The following MAGI2 variants were observed in gnomAD, a reference collection of about 807,000 sequenced individuals.
MAGI2 encodes membrane associated guanylate kinase, WW and PDZ domain containing 2.
MAGI2 carries 35 observed loss-of-function variants against 133.3 expected under a neutral mutation model. The observed-to-expected ratio is 0.26, with a 90% confidence interval of 0.20 to 0.35. MAGI2 has a LOEUF of 0.35. Among genes scored for constraint, MAGI2 ranks in the 10% least tolerant of loss-of-function variants. The pLI is 1.00. For synonymous variants in MAGI2, 729 were observed against 710.6 expected (o/e 1.03, Z -0.41); for missense variants, 1,636 against 1,863.4 (o/e 0.88, Z 2.25).
At chr7:79,005,699 C>T (rs1204083345) in intron 2 of MAGI2, among the ~76,000 whole-genome samples, 1 of 152,158 alleles carries the variant, frequency 6.6e-6, no homozygotes. Context: ...AAGATAAATT[C>T]ACATTGCTGC....
intron 3 of MAGI2, among the ~76,000 whole-genome samples, chr7:78,565,379 C>G (rs1030337183): frequency 6.6e-6 from 1 of 151,230 alleles, no homozygotes; most frequent in Non-Finnish European, 1.5e-5. Flanking sequence ...GTAGGAGGAT[C>G]GTTTGAGCCC....
intron 2 of MAGI2, among the ~76,000 whole-genome samples, chr7:78,871,934 T>G (rs1461012804): frequency 6.6e-6 from 1 of 152,028 alleles, no homozygotes; most frequent in Non-Finnish European, 1.5e-5. Context: ...TTATAAAATA[T>G]AATATACATA....
intron 21 of MAGI2, among the ~76,000 whole-genome samples, chr7:78,057,511 G>A (rs1397235920): frequency 2.6e-5 from 4 of 152,118 alleles, no homozygotes; most frequent in East Asian, 1.9e-4. Flanking sequence ...GATTACAGGC[G>A]TGTGTGTTTG....
chr7:78,433,371 T>C (rs1007452775), intron 6 of MAGI2, among the ~76,000 whole-genome samples: 1 of 152,114 alleles, frequency 6.6e-6, no homozygotes, highest in African/African-American at 2.4e-5. Flanking sequence ...AATTGTTGTA[T>C]TGCAGGATTT....
At chr7:78,658,469 A>C (rs1812548941) in intron 2 of MAGI2, among the ~76,000 whole-genome samples, 1 of 152,176 alleles carries the variant, frequency 6.6e-6, no homozygotes, top group African/African-American at 2.4e-5. Flanking sequence ...AAAATTGATA[A>C]ACTGGGCTTC....
rs1259793466 is a variant in MAGI2, at chr7:78,666,016, A to C, written c.419-38777T>G. On this transcript the variant is annotated intron_variant, in intron 2 of 21. Transcript: ENST00000354212. ...CAACCCTGTTCGGGCAGTTAGAGAA[A>C]GTATGAGGCCAGTTTCCAACTGAAA... 2.0e-5 allele frequency among the ~76,000 whole-genome samples: 3 copies of C among 152,168 alleles called. No individual in the cohort carries two copies. The East Asian group carries it at 5.8e-4, about 29-fold the overall frequency.
At chr7:78,384,172 G>T (rs1196641698) in intron 6 of MAGI2, among the ~76,000 whole-genome samples, 3 of 152,016 alleles carry the variant, frequency 2.0e-5, no homozygotes, top group East Asian at 1.9e-4. Context: ...TGAATCTGTA[G>T]ATTGGTTTGG....
intron 1 of MAGI2, among the ~76,000 whole-genome samples, chr7:79,062,370 A>C (rs1813839329): frequency 6.6e-6 from 1 of 152,164 alleles, no homozygotes; most frequent in Non-Finnish European, 1.5e-5. Context: ...AGAAGAAAAC[A>C]TATGAACATT....
chr7:78,595,558 A>C (rs1584778639), intron 3 of MAGI2, among the ~76,000 whole-genome samples: 1 of 151,790 alleles, frequency 6.6e-6, no homozygotes, highest in South Asian at 2.1e-4. Context: ...CCTAGAATAT[A>C]AGAATTCGTT....
At chr7:78,936,211 A>G (rs755954671) in intron 2 of MAGI2, among the ~76,000 whole-genome samples, 1 of 152,018 alleles carries the variant, frequency 6.6e-6, no homozygotes, top group Non-Finnish European at 1.5e-5. Context: ...TTATAATAAT[A>G]ATGACAAAAA....
At position 78,285,870 on chromosome 7, in the gene MAGI2, T is replaced by G. The variant is rs189512693; in HGVS notation, c.1409-29289A>C. ...TGCAGTTCATACTTGAGTTGGCATATTAGAAATATCAGGGCAGCTTTTAAA... is the reference window on the plus strand; with the variant it reads ...TGCAGTTCATACTTGAGTTGGCATAGTAGAAATATCAGGGCAGCTTTTAAA... On this transcript the variant is annotated intron_variant, in intron 9 of 21. Coordinates refer to ENST00000354212, the MANE Select transcript of MAGI2 (RefSeq NM_012301.4). 5.9e-5 allele frequency: 9 copies of G among 152,230 alleles called. No individual in the cohort carries two copies. In the East Asian group the frequency reaches 1.7e-3, roughly 29 times the overall value. 9.4% of individuals were successfully genotyped at this position (152,230 alleles called of 1,614,324 possible). A position where few individuals can be genotyped will look rare whatever the true frequency, so the allele number is the denominator to read the frequency against.
At chr7:78,924,425 A>T (rs1799520532) in intron 2 of MAGI2, among the ~76,000 whole-genome samples, 1 of 152,170 alleles carries the variant, frequency 6.6e-6, no homozygotes, top group Admixed American at 6.6e-5. Context: ...ATTTTGTCAA[A>T]GGCCTTTTCT....
chr7:79,209,277 A>T (rs1402427579), intron 1 of MAGI2, among the ~76,000 whole-genome samples: 1 of 152,072 alleles, frequency 6.6e-6, no homozygotes, highest in African/African-American at 2.4e-5. Context: ...TATATTGTAC[A>T]CAGTAAATAT....
intron 20 of MAGI2, among the ~76,000 whole-genome samples, chr7:78,111,868 A>G (rs1819397765): frequency 6.6e-6 from 1 of 152,234 alleles, no homozygotes; most frequent in African/African-American, 2.4e-5. Context: ...TATGCAGAGA[A>G]GAGCTTTCAG....
At chr7:78,140,198 T>A (rs1404277244) in intron 16 of MAGI2, among the ~76,000 whole-genome samples, 1 of 152,214 alleles carries the variant, frequency 6.6e-6, no homozygotes, top group African/African-American at 2.4e-5. Flanking sequence ...GAAGACAGGA[T>A]GTTTACTTGA....
At chr7:79,310,162 CAAAAAAAAAAAAA>C (rs71518921) in intron 1 of MAGI2, among the ~76,000 whole-genome samples, 5 of 16,294 alleles carry the variant, frequency 3.1e-4, no homozygotes, top group East Asian at 2.4e-3. Context: ...GAGTCCATCT[CAAAAAAAAAAAAA>C]AAAAAAAAAA....
chr7:78,181,261 T>C (rs1458286458), intron 13 of MAGI2, among the ~76,000 whole-genome samples: 1 of 151,894 alleles, frequency 6.6e-6, no homozygotes, highest in Non-Finnish European at 1.5e-5. Context: ...ACAATCACTA[T>C]TCCTTTCTCT....
chr7:78,554,432 T>C (rs1799612764), intron 3 of MAGI2: 1 of 152,222 alleles, frequency 6.6e-6, no homozygotes. Context: ...CCTCAGAAGA[T>C]AATTTTCTTT....
At chr7:78,109,303 CAAAAAAAAAA>C (rs71085511) in intron 20 of MAGI2, among the ~76,000 whole-genome samples, 18 of 19,950 alleles carry the variant, frequency 9.0e-4, no homozygotes, top group African/African-American at 2.6e-3. Context: ...GACTCCGTCT[CAAAAAAAAAA>C]AAAAAAAAAA....
Sources: allele counts gnomAD v4.1 joint callset (sites outside exome capture counted in the v4.1 genomes callset), GRCh38; gene constraint gnomAD v4.1.1; transcripts MANE v1.5; gene names NCBI Gene and HGNC (gene_info 2026-07-23, HGNC 2026-07-21).